Variants in VPS8 observed in about 807,000 individuals in gnomAD.
The protein encoded by VPS8 is vacuolar protein sorting-associated protein 8 homolog.
A neutral mutation model predicts 216.4 loss-of-function variants in VPS8; 129 were observed. The observed-to-expected ratio is 0.60, with a 90% confidence interval of 0.52 to 0.69. The LOEUF is 0.69. VPS8 is among the 30% of genes least tolerant of loss of function. VPS8 has a pLI of 0.00. For synonymous variants in VPS8, 571 were observed against 565.4 expected, an observed-to-expected ratio of 1.01 and a Z score of -0.14; for missense variants, 1,531 against 1,683.5, an observed-to-expected ratio of 0.91 and a Z score of 1.59.
intron 1 of VPS8, among the ~76,000 whole-genome samples, chr3:184,822,822 C>T (rs1454074892): frequency 6.6e-6 from 1 of 152,134 alleles, no homozygotes; most frequent in Non-Finnish European, 1.5e-5. Context: ...ATATTTAGAA[C>T]CTGATGTTGG....
chr3:184,904,095 G>A (rs563479332), intron 25 of VPS8, among the ~76,000 whole-genome samples: 5 of 151,918 alleles, frequency 3.3e-5, no homozygotes, highest in Non-Finnish European at 7.4e-5. Context: ...TGTATCCTAC[G>A]TCCTTGCTGT....
At chr3:184,891,160 C>T (rs1732268841) in intron 22 of VPS8, among the ~76,000 whole-genome samples, 2 of 151,900 alleles carry the variant, frequency 1.3e-5, no homozygotes, top group Admixed American at 6.6e-5. Flanking sequence ...TGGATGATAC[C>T]GACGACTTTG....
At chr3:184,903,506 C>T (rs1455878968) in intron 25 of VPS8, among the ~76,000 whole-genome samples, 1 of 152,092 alleles carries the variant, frequency 6.6e-6, no homozygotes, top group Non-Finnish European at 1.5e-5. Context: ...GGCTGGAGTA[C>T]AGTGGTGTGA....
At chr3:184,846,549 G>A (rs535819434) in intron 8 of VPS8, among the ~76,000 whole-genome samples, 2 of 152,346 alleles carry the variant, frequency 1.3e-5, no homozygotes, top group East Asian at 3.9e-4. Context: ...TGTTAAATTA[G>A]AAAGTAGTAG....
chr3:185,019,035 C>T (rs984085211), intron 45 of VPS8, among the ~76,000 whole-genome samples: 1 of 152,156 alleles, frequency 6.6e-6, no homozygotes, highest in African/African-American at 2.4e-5. Flanking sequence ...GGCAAACAGA[C>T]CTGCTCTGTT....
chr3:184,821,403 G>A (rs1303335271), intron 1 of VPS8, among the ~76,000 whole-genome samples: 1 of 151,954 alleles, frequency 6.6e-6, no homozygotes, highest in Non-Finnish European at 1.5e-5. Context: ...GAGTGCAGTG[G>A]CGCGAACTTG....
intron 2 of VPS8, 146 bp from the exon 3 acceptor site, chr3:184,826,017 C>G: frequency 1.7e-6 from 1 of 605,010 alleles, no homozygotes; most frequent in Non-Finnish European, 2.9e-6. Context: ...GTAGTCTTGA[C>G]TTGATTATTA....
At chr3:185,025,656 A>T (rs1450115909) in intron 46 of VPS8, among the ~76,000 whole-genome samples, 1 of 152,234 alleles carries the variant, frequency 6.6e-6, no homozygotes, top group Non-Finnish European at 1.5e-5. Flanking sequence ...ACTTAGAACC[A>T]TCACACTGTA....
intron 43 of VPS8, 90 bp downstream of exon 43, chr3:184,994,153 A>G: frequency 5.3e-6 from 5 of 951,994 alleles, no homozygotes; most frequent in South Asian, 2.1e-5. Flanking sequence ...AAAAAAAATT[A>G]CCATCTATTT....
intron 45 of VPS8, among the ~76,000 whole-genome samples, chr3:185,010,843 A>G (rs1754913723): frequency 6.6e-6 from 1 of 152,036 alleles, no homozygotes; most frequent in African/African-American, 2.4e-5. Flanking sequence ...CTCTACCGAA[A>G]TTTTTAAAAA....
intron 34 of VPS8, 99 bp from the exon 35 acceptor site, chr3:184,936,147 C>T (rs761175528): frequency 4.1e-6 from 4 of 974,012 alleles, no homozygotes; most frequent in Admixed American, 2.5e-5. Context: ...AGCATGGAAG[C>T]TTGCGACTGT....
At chr3:184,907,393 T>C (rs1198055226) in intron 25 of VPS8, among the ~76,000 whole-genome samples, 1 of 152,238 alleles carries the variant, frequency 6.6e-6, no homozygotes, top group East Asian at 1.9e-4. Context: ...AGGAATTTCC[T>C]TGTGGGTAAA....
intron 42 of VPS8, among the ~76,000 whole-genome samples, chr3:184,993,705 A>G (rs1214349173): frequency 6.6e-6 from 1 of 152,132 alleles, no homozygotes; most frequent in Non-Finnish European, 1.5e-5. Flanking sequence ...TATGAAGGAG[A>G]GGAAGCTTCT....
intron 46 of VPS8, among the ~76,000 whole-genome samples, chr3:185,045,837 GT>G (rs1446187602): frequency 1.3e-5 from 2 of 151,372 alleles, no homozygotes; most frequent in African/African-American, 4.9e-5. Context: ...TCCAGCGGAT[GT>G]AGTTACTGCT....
At chr3:185,039,297 G>A (rs1191630204) in intron 46 of VPS8, among the ~76,000 whole-genome samples, 2 of 152,018 alleles carry the variant, frequency 1.3e-5, no homozygotes, top group Non-Finnish European at 2.9e-5. Flanking sequence ...TTGCTATAAA[G>A]GAATACCCAC....
rs1300949786 is a variant in VPS8 at position 184,827,786 on chromosome 3, A to C, written c.222+1555A>C. Among the ~76,000 whole-genome samples, 3 of 152,182 alleles carry C rather than the reference A, an allele frequency of 2.0e-5. No homozygotes were observed. The East Asian group carries it at 5.8e-4, about 29-fold the overall frequency. ...ATCCTCAATAGTAGTTTGAGTGTCT[A>C]GTGTATTTGGGTCATGGTGTTAGAT... On this transcript the variant is annotated intron_variant, in intron 3 of 47. Coordinates refer to ENST00000625842, the MANE Select transcript of VPS8 (RefSeq NM_001009921.3).
chr3:184,863,725 G>A (rs1726816612), intron 16 of VPS8, among the ~76,000 whole-genome samples: 1 of 152,124 alleles, frequency 6.6e-6, no homozygotes, highest in Non-Finnish European at 1.5e-5. Context: ...GTGATCTCAT[G>A]TTCCTAAACC....
At chr3:184,894,620 A>T in intron 22 of VPS8, 83 bp from the exon 23 acceptor site, 1 of 1,070,248 alleles carries the variant, frequency 9.3e-7, no homozygotes. Context: ...AAGTAGGGAA[A>T]AGATGAGATA....
chr3:184,969,901 C>CTTTTT (rs755680287), intron 39 of VPS8, among the ~76,000 whole-genome samples: 8 of 110,230 alleles, frequency 7.3e-5, no homozygotes, highest in Non-Finnish European at 1.1e-4. Flanking sequence ...TACTTTCTTA[C>CTTTTT]TTTTTTTTTT....
Sources: allele counts gnomAD v4.1 joint callset (sites outside exome capture counted in the v4.1 genomes callset), GRCh38; gene constraint gnomAD v4.1.1; transcripts MANE v1.5; gene names NCBI Gene and HGNC (gene_info 2026-07-23, HGNC 2026-07-21).